Variants in SNTG1 observed in about 807,000 individuals in gnomAD.
The protein encoded by SNTG1 is gamma-1-syntrophin.
Under a neutral mutation model 74.7 loss-of-function variants are expected in SNTG1, and 39 were observed. That is an observed-to-expected ratio of 0.52 (90% CI 0.40 to 0.68). SNTG1 has a LOEUF of 0.68. SNTG1 is among the 30% of genes least tolerant of loss of function. The pLI, the probability that SNTG1 is intolerant of heterozygous loss-of-function variation, is 0.00. For missense variants in SNTG1, 685 were observed against 609.5 expected (o/e 1.12, Z -1.30); for synonymous variants, 254 against 217.1 (o/e 1.17, Z -1.49).
chr8:50,783,427 G>T (rs1377814590), intron 18 of SNTG1, among the ~76,000 whole-genome samples: 1 of 152,204 alleles, frequency 6.6e-6, no homozygotes, highest in Non-Finnish European at 1.5e-5. Flanking sequence ...CAGCCTCACT[G>T]CTGCCTTGCA....
chr8:50,085,247 A>C (rs919865270), intron 1 of SNTG1, among the ~76,000 whole-genome samples: 1 of 152,226 alleles, frequency 6.6e-6, no homozygotes, highest in East Asian at 1.9e-4. Context: ...TTAGAGCACC[A>C]AGTCTTTATA....
At chr8:50,448,220 T>C (rs1210397076) in intron 5 of SNTG1, among the ~76,000 whole-genome samples, 4 of 152,086 alleles carry the variant, frequency 2.6e-5, no homozygotes, top group Admixed American at 2.6e-4. Context: ...AACTGAGCAG[T>C]GGGTTTGAAA....
chr8:50,577,164 T>C (rs2094581425), intron 12 of SNTG1, among the ~76,000 whole-genome samples: 1 of 152,138 alleles, frequency 6.6e-6, no homozygotes, highest in Non-Finnish European at 1.5e-5. Context: ...TTCTAGTATG[T>C]GGAGTGTGTT....
chr8:50,468,209 G>A (rs1368970410), intron 8 of SNTG1, among the ~76,000 whole-genome samples: 2 of 151,742 alleles, frequency 1.3e-5, no homozygotes. Flanking sequence ...TGAACTATCA[G>A]TTTTTGAAAA....
intron 12 of SNTG1, among the ~76,000 whole-genome samples, chr8:50,570,439 G>T (rs2094541865): frequency 6.8e-6 from 1 of 147,526 alleles, no homozygotes; most frequent in African/African-American, 2.5e-5. Flanking sequence ...TTCTATTTTT[G>T]GCAGAGACGG....
At chr8:50,710,655 C>G (rs1395982998) in intron 17 of SNTG1, among the ~76,000 whole-genome samples, 1 of 152,112 alleles carries the variant, frequency 6.6e-6, no homozygotes, top group Non-Finnish European at 1.5e-5. Flanking sequence ...ATAATACAGA[C>G]CTATGTCAGT....
In SNTG1 at chr8:50,334,450, A is replaced by C. The variant is rs796112525; in HGVS notation, c.-27-59762A>C. On this transcript the variant is annotated intron_variant, in intron 2 of 18. Coordinates refer to ENST00000642720, the MANE Select transcript of SNTG1 (RefSeq NM_018967.5). ...TTTCTCTGATGAGTTTCTCCCCTGT[A>C]ATTGTCCTGTTCTGCATTGTTTGCC... is the stretch of plus-strand genomic sequence containing the variant. 7.9e-5 allele frequency among the ~76,000 whole-genome samples: 12 copies of C among 152,012 alleles called. 1 individual carries two copies. The highest frequency in any genetic ancestry group is 2.9e-4 in the African/African-American group (12 of 41,440).
chr8:50,753,374 C>G (rs73678678), intron 18 of SNTG1, among the ~76,000 whole-genome samples: 1 of 152,028 alleles, frequency 6.6e-6, no homozygotes, highest in Non-Finnish European at 1.5e-5. Flanking sequence ...CAAAGCACAG[C>G]ACAAATTTTA....
chr8:50,109,535 T>C (rs2080503012), intron 1 of SNTG1, among the ~76,000 whole-genome samples: 1 of 152,178 alleles, frequency 6.6e-6, no homozygotes, highest in South Asian at 2.1e-4. Context: ...CTGCAGCATT[T>C]AGCAAATGTT....
intron 4 of SNTG1, among the ~76,000 whole-genome samples, chr8:50,427,891 A>G (rs751327621): frequency 5.8e-4 from 89 of 152,254 alleles, no homozygotes; most frequent in Non-Finnish European, 1.0e-3. Flanking sequence ...TTTTAAATAT[A>G]TATTTGTCTA....
At chr8:49,956,384 C>T (rs1343655162) in intron 1 of SNTG1, among the ~76,000 whole-genome samples, 1 of 152,122 alleles carries the variant, frequency 6.6e-6, no homozygotes, top group Non-Finnish European at 1.5e-5. Context: ...CAATCTTCAA[C>T]TTTATTTTGC....
Position 50,668,943 on chromosome 8 carries a change from G to A in SNTG1, c.1038+10280G>A, listed in dbSNP as rs576770917. On this transcript the variant is annotated intron_variant, in intron 15 of 18. Coordinates refer to ENST00000642720, the MANE Select transcript of SNTG1 (RefSeq NM_018967.5). ...GTAAATAGTGCTGCAGTAAACATAC[G>A]TGTGCATGTGTCTTTATAGCTGAAT... Among the ~76,000 whole-genome samples, 7 of 152,082 alleles carry A rather than the reference G, an allele frequency of 4.6e-5. No homozygotes were observed. In the South Asian group the frequency reaches 6.2e-4, roughly 14 times the overall value.
intron 1 of SNTG1, among the ~76,000 whole-genome samples, chr8:49,937,106 G>A (rs374117180): frequency 5.9e-5 from 9 of 152,278 alleles, no homozygotes; most frequent in South Asian, 2.1e-4. Flanking sequence ...CCAAGATAGC[G>A]CCACTGCACT....
rs145156676 is a variant in SNTG1 at position 50,603,705 on chromosome 8, C to T, written c.849+12788C>T. Among the ~76,000 whole-genome samples, 373 of 152,282 alleles carry T rather than the reference C, an allele frequency of 2.4e-3. 1 individual carries two copies. Among genetic ancestry groups the T allele is most frequent in the African/African-American group, 8.4e-3 (348 of 41,554 alleles). ...GCAACTTGGACCCCAAGACCAATAACAGTGATTCTTGCAGACTCATAGGTG... is the reference window on the plus strand; with the variant it reads ...GCAACTTGGACCCCAAGACCAATAATAGTGATTCTTGCAGACTCATAGGTG... On this transcript the variant is annotated intron_variant, in intron 13 of 18. Transcript: ENST00000642720.
At chr8:50,614,019 T>G (rs934943697) in intron 13 of SNTG1, among the ~76,000 whole-genome samples, 1 of 152,126 alleles carries the variant, frequency 6.6e-6, no homozygotes, top group Admixed American at 6.5e-5. Context: ...ACACCCTGAG[T>G]GGTCCTAAAA....
intron 8 of SNTG1, among the ~76,000 whole-genome samples, chr8:50,483,055 G>T (rs545980357): frequency 6.6e-6 from 1 of 152,234 alleles, no homozygotes; most frequent in Non-Finnish European, 1.5e-5. Flanking sequence ...AAATAGAAAG[G>T]TGACAATATT....
intron 1 of SNTG1, among the ~76,000 whole-genome samples, chr8:49,917,414 A>G (rs1806145374): frequency 6.6e-6 from 1 of 152,168 alleles, no homozygotes; most frequent in Admixed American, 6.5e-5. Context: ...TTAAGTTCGA[A>G]TCCTGTTATA....
intron 1 of SNTG1, among the ~76,000 whole-genome samples, chr8:50,155,921 C>G (rs529179049): frequency 6.6e-6 from 1 of 151,380 alleles, no homozygotes; most frequent in African/African-American, 2.4e-5. Context: ...ACAGAAAAAT[C>G]ACAATTTGTC....
intron 2 of SNTG1, among the ~76,000 whole-genome samples, chr8:50,386,671 G>T (rs1412944290): frequency 6.6e-6 from 1 of 152,148 alleles, no homozygotes. Flanking sequence ...AGTCACAGCA[G>T]ATGGAAGGGG....
Sources: gnomAD v4.1 joint callset for allele counts (sites outside exome capture counted in the v4.1 genomes callset) on GRCh38, gnomAD v4.1.1 for gene constraint, MANE v1.5 for transcripts, NCBI Gene and HGNC (gene_info 2026-07-23, HGNC 2026-07-21) for gene names.